The following HDHD2 variants were observed in gnomAD, a reference collection of about 807,000 sequenced individuals.
HDHD2 encodes haloacid dehalogenase-like hydrolase domain-containing protein 2.
A neutral mutation model predicts 24.8 loss-of-function variants in HDHD2; 26 were observed. The observed-to-expected ratio is 1.05, with a 90% CI of 0.77 to 1.45. The LOEUF is 1.45. Among genes scored for constraint, HDHD2 ranks in the 40% most tolerant of loss-of-function variants. HDHD2 has a pLI of 0.00. For synonymous variants in HDHD2, 128 were observed against 114.9 expected, an observed-to-expected ratio of 1.11 and a Z score of -0.73; for missense variants, 299 against 313.4, an observed-to-expected ratio of 0.95 and a Z score of 0.35.
chr18:47,136,374 A>G lies in HDHD2; in HGVS notation c.66T>C (p.Asp22=). 1 of 1,613,308 alleles carries G rather than the reference A, an allele frequency of 6.2e-7. No homozygotes were observed. The highest frequency in any genetic ancestry group is 8.5e-7 in the Non-Finnish European group (1 of 1,179,760). Residue 22 remains aspartate (D), a synonymous_variant, in exon 2 of 7, where the codon GAT becomes GAC. Transcript: ENST00000300605. ...VDLSGTLHIE[D]AAVPGAQEAL... Reference sequence around the variant, plus strand: ...CTTCCTGTGCGCCTGGCACAGCTGCATCTTCAATGTGAAGTGTGCCACTGA... The same window carrying G: ...CTTCCTGTGCGCCTGGCACAGCTGCGTCTTCAATGTGAAGTGTGCCACTGA...
Position 47,130,278 on chromosome 18 carries a change from G to A in HDHD2, c.361C>T (p.His121Tyr), listed in dbSNP as rs754325843. The change falls in exon 4 of 7, where the codon CAT becomes TAT. Residue 121 changes from histidine to tyrosine, a missense_variant. Coordinates refer to ENST00000300605, the MANE Select transcript of HDHD2 (RefSeq NM_032124.5). ...TGATTCAGAATTTGATAATGAAAAT[G>A]TTCTGGTGCCAATCCCATGACCACA... Reference protein sequence around the residue: ...NAVVMGLAPEHFHYQILNQAF... With the variant: ...NAVVMGLAPEYFHYQILNQAF... 5 of 1,607,474 alleles carry A rather than the reference G, an allele frequency of 3.1e-6. No individual in the cohort carries two copies. The highest frequency in any genetic ancestry group is 4.3e-6 in the Non-Finnish European group (5 of 1,175,752).
intron 6 of HDHD2, chr18:47,110,710 CTG>C: frequency 1.0e-6 from 1 of 985,390 alleles, no homozygotes; most frequent in Non-Finnish European, 1.2e-6. Flanking sequence ...GATTCACTCA[CTG>C]CAGCAGCCTG....
chr18:47,125,466 C>A (rs1329068337), intron 4 of HDHD2, among the ~76,000 whole-genome samples: 1 of 152,150 alleles, frequency 6.6e-6, no homozygotes, highest in African/African-American at 2.4e-5. Flanking sequence ...TTATTCATAA[C>A]AGCCCAAACT....
At chr18:47,140,465 T>C (rs2063809897) in intron 1 of HDHD2, among the ~76,000 whole-genome samples, 1 of 152,258 alleles carries the variant, frequency 6.6e-6, no homozygotes, top group Non-Finnish European at 1.5e-5. Context: ...TGTTGGTGTA[T>C]TAAAATACAT....
intron 2 of HDHD2, among the ~76,000 whole-genome samples, chr18:47,135,055 ATGT>A (rs1392571839): frequency 6.6e-6 from 1 of 152,106 alleles, no homozygotes; most frequent in Non-Finnish European, 1.5e-5. Flanking sequence ...TTTAAACAAC[ATGT>A]TGTCCACTGC....
intron 4 of HDHD2, among the ~76,000 whole-genome samples, chr18:47,122,511 G>A (rs899206758): frequency 3.9e-5 from 6 of 152,116 alleles, no homozygotes; most frequent in African/African-American, 1.4e-4. Context: ...GGGCAAAACT[G>A]TCCCTGATTG....
Position 47,113,033 on chromosome 18 carries a change from C to A in HDHD2, c.620G>T (p.Arg207Met). ...EEAVMIGDDC[R>M]DDVGGAQDVG... Reference sequence around the variant, plus strand: ...ATCTTGAGCCCCACCAACATCATCCCTGCAATCCTAGAAAAGCATAAAGAA... The same window carrying A: ...ATCTTGAGCCCCACCAACATCATCCATGCAATCCTAGAAAAGCATAAAGAA... The change falls in exon 6 of 7, where the codon AGG becomes ATG. Residue 207 changes from arginine (R) to methionine (M), a missense_variant. Physicochemically the swap from Arg to Met is moderately conservative, Grantham distance 91 (BLOSUM62 -1). Transcript: ENST00000300605. The A allele has an allele frequency of 6.2e-7, 1 of 1,614,058 alleles. No individual in the cohort carries two copies. Among genetic ancestry groups the A allele is most frequent in the Admixed American group, 1.7e-5 (1 of 60,022 alleles).
intron 4 of HDHD2, among the ~76,000 whole-genome samples, chr18:47,119,247 T>G (rs1394835514): frequency 6.6e-6 from 1 of 152,182 alleles, no homozygotes. Context: ...CAGTTTAATC[T>G]TCCTTTCATG....
At chr18:47,137,107 G>A in intron 1 of HDHD2, 6 of 731,392 alleles carry the variant, frequency 8.2e-6, no homozygotes, top group South Asian at 8.1e-5. Flanking sequence ...GTTCTGTGGT[G>A]CAGTTTAAGA....
chr18:47,124,126 A>G (rs2063633752), intron 4 of HDHD2, among the ~76,000 whole-genome samples: 1 of 152,244 alleles, frequency 6.6e-6, no homozygotes, highest in South Asian at 2.1e-4. Flanking sequence ...ATAAAAATGA[A>G]CTTCTATTTC....
At chr18:47,118,494 C>T (rs1449489845) in intron 4 of HDHD2, among the ~76,000 whole-genome samples, 2 of 152,114 alleles carry the variant, frequency 1.3e-5, no homozygotes, top group East Asian at 3.9e-4. Flanking sequence ...GCAAACCAAA[C>T]ACTACATGTT....
Position 47,134,484 on chromosome 18 carries a change from A to T in HDHD2, c.310+12T>A, listed in dbSNP as rs369502008. On this transcript the variant is annotated intron_variant, in intron 3 of 6. Coordinates refer to ENST00000300605, the MANE Select transcript of HDHD2 (RefSeq NM_032124.5). ...AAATATCCAATCTTTAAATTTTCCA[A>T]ATTTCCCCTACCTTTGAAATCAGGT... 9 of 1,604,246 alleles carry T rather than the reference A, an allele frequency of 5.6e-6. No individual in the cohort carries two copies. In the African/African-American group the frequency reaches 9.4e-5, roughly 17 times the overall value.
intron 4 of HDHD2, 70 bp downstream of exon 4, chr18:47,130,174 A>T (rs2063699221): frequency 4.1e-6 from 4 of 968,898 alleles, no homozygotes; most frequent in Non-Finnish European, 6.4e-6. Context: ...AAACCCATTC[A>T]TGACAATGAC....
At chr18:47,133,418 C>T (rs1425659528) in intron 3 of HDHD2, among the ~76,000 whole-genome samples, 1 of 150,780 alleles carries the variant, frequency 6.6e-6, no homozygotes, top group African/African-American at 2.4e-5. Context: ...GGGTTGGTTC[C>T]AAGTCTTTGC....
chr18:47,131,979 T>C (rs1470369605), intron 3 of HDHD2, among the ~76,000 whole-genome samples: 2 of 152,206 alleles, frequency 1.3e-5, no homozygotes, highest in African/African-American at 4.8e-5. Context: ...CGTCTTTTCA[T>C]TGTATACAAT....
intron 5 of HDHD2, 50 bp downstream of exon 5, chr18:47,115,082 T>G: frequency 7.2e-7 from 1 of 1,389,384 alleles, no homozygotes; most frequent in African/African-American, 1.4e-5. Context: ...AAGCTGGCTT[T>G]CCCAGCACAA....
intron 4 of HDHD2, among the ~76,000 whole-genome samples, chr18:47,123,522 G>A (rs962281669): frequency 6.6e-6 from 1 of 152,156 alleles, no homozygotes; most frequent in African/African-American, 2.4e-5. Flanking sequence ...GGGAGGCAGA[G>A]GTTACAGTGA....
At chr18:47,131,128 CA>C (rs1367934109) in intron 3 of HDHD2, among the ~76,000 whole-genome samples, 2 of 152,126 alleles carry the variant, frequency 1.3e-5, no homozygotes, top group African/African-American at 2.4e-5. Flanking sequence ...AGGCATGTGC[CA>C]ACCACACCCG....
intron 6 of HDHD2, chr18:47,110,516 T>C: frequency 1.0e-6 from 1 of 985,204 alleles, no homozygotes; most frequent in Non-Finnish European, 1.2e-6. Context: ...AAGAGACAAA[T>C]AAATAAGCTT....
Sources: allele counts gnomAD v4.1 joint callset (sites outside exome capture counted in the v4.1 genomes callset), GRCh38; gene constraint gnomAD v4.1.1; transcripts MANE v1.5; gene names NCBI Gene and HGNC (gene_info 2026-07-23, HGNC 2026-07-21).